Variants in PCDH15 observed in about 807,000 individuals in gnomAD.
The protein encoded by PCDH15 is protocadherin related 15.
In PCDH15, 129 loss-of-function variants were observed where a neutral mutation model predicts 178.5. That is an observed-to-expected ratio of 0.72 (90% CI 0.63 to 0.84). PCDH15 has a LOEUF of 0.84. Ranked by LOEUF, PCDH15 falls within the 40% of genes least tolerant of loss-of-function variation. PCDH15 has a pLI of 0.00. For synonymous variants in PCDH15, 800 were observed against 732.0 expected (o/e 1.09, Z -1.50); for missense variants, 2,230 against 2,099.9 (o/e 1.06, Z -1.21).
At chr10:54,085,943 T>A (rs944334204) in intron 16 of PCDH15, among the ~76,000 whole-genome samples, 2 of 152,192 alleles carry the variant, frequency 1.3e-5, no homozygotes, top group Non-Finnish European at 2.9e-5. Flanking sequence ...AATAGACATG[T>A]AAATATTTTT....
chr10:54,535,290 C>G (rs935817764), intron 2 of PCDH15, among the ~76,000 whole-genome samples: 10 of 152,130 alleles, frequency 6.6e-5, no homozygotes, highest in African/African-American at 2.4e-4. Flanking sequence ...GAGACCATAG[C>G]TACCTCAATC....
intron 3 of PCDH15, among the ~76,000 whole-genome samples, chr10:54,448,048 G>A (rs1484948826): frequency 1.3e-5 from 2 of 151,442 alleles, no homozygotes; most frequent in Non-Finnish European, 3.0e-5. Context: ...GTTTTAGAAC[G>A]TTAAAGTTTC....
intron 2 of PCDH15, among the ~76,000 whole-genome samples, chr10:55,101,473 A>G (rs1842575179): frequency 6.6e-6 from 1 of 151,832 alleles, no homozygotes; most frequent in Non-Finnish European, 1.5e-5. Context: ...TGCAAAATAG[A>G]CAACAGCCTC....
chr10:55,623,283 T>G (rs1196842390), intron 2 of PCDH15, among the ~76,000 whole-genome samples: 1 of 152,144 alleles, frequency 6.6e-6, no homozygotes. Flanking sequence ...TACATACAAG[T>G]GGCTGTGGTT....
At chr10:54,094,989 C>T (rs887681088) in intron 15 of PCDH15, among the ~76,000 whole-genome samples, 1 of 152,128 alleles carries the variant, frequency 6.6e-6, no homozygotes, top group Non-Finnish European at 1.5e-5. Context: ...ATCTTCTGTT[C>T]ATGTTAAAGA....
chr10:55,519,685 T>C (rs1231531184), intron 2 of PCDH15, among the ~76,000 whole-genome samples: 3 of 151,988 alleles, frequency 2.0e-5, no homozygotes, highest in Admixed American at 2.0e-4. Context: ...TAGAGCTATA[T>C]ATTTAAAATG....
chr10:53,982,095 A>G (rs2090697761), intron 21 of PCDH15, among the ~76,000 whole-genome samples: 1 of 152,202 alleles, frequency 6.6e-6, no homozygotes, highest in Non-Finnish European at 1.5e-5. Context: ...GCCATCAGAG[A>G]AATGCAAATC....
chr10:55,405,278 TAAC>T (rs1838169060), intron 2 of PCDH15, among the ~76,000 whole-genome samples: 1 of 70,926 alleles, frequency 1.4e-5, no homozygotes, highest in African/African-American at 6.5e-5. Flanking sequence ...TAGTGTGAGG[TAAC>T]AGATATATAT....
chr10:55,299,320 CT>C (rs567878445), intron 1 of PCDH15, among the ~76,000 whole-genome samples: 21 of 151,976 alleles, frequency 1.4e-4, no homozygotes, highest in Non-Finnish European at 2.2e-4. Flanking sequence ...TGTGTTGTGG[CT>C]TTTTTAATTA....
intron 3 of PCDH15, among the ~76,000 whole-genome samples, chr10:54,415,346 CA>C (rs1954167384): frequency 6.7e-6 from 1 of 149,896 alleles, no homozygotes; most frequent in South Asian, 2.1e-4. Flanking sequence ...ATGGATGTTC[CA>C]AGAAAAATTG....
intron 2 of PCDH15, among the ~76,000 whole-genome samples, chr10:55,090,541 C>T (rs1842290638): frequency 6.6e-6 from 1 of 151,978 alleles, no homozygotes; most frequent in South Asian, 2.1e-4. Context: ...GTCATATAGA[C>T]CTCCTTCCAT....
intron 26 of PCDH15, among the ~76,000 whole-genome samples, chr10:53,869,320 A>G (rs577875123): frequency 6.6e-6 from 1 of 152,320 alleles, no homozygotes; most frequent in African/African-American, 2.4e-5. Context: ...TTTGAACCAC[A>G]GGTTTATAAT....
chr10:54,927,876 T>C (rs1460334375), intron 2 of PCDH15, among the ~76,000 whole-genome samples: 2 of 152,120 alleles, frequency 1.3e-5, no homozygotes, highest in Non-Finnish European at 2.9e-5. Context: ...CAATAGGTAT[T>C]GGTTCTTTAT....
At chr10:54,219,274 CAAAAA>C (rs995053736) in intron 9 of PCDH15, among the ~76,000 whole-genome samples, 1 of 45,182 alleles carries the variant, frequency 2.2e-5, no homozygotes, top group Non-Finnish European at 4.3e-5. Flanking sequence ...GACTTTGTCT[CAAAAA>C]AAAAAAAAAA....
intron 2 of PCDH15, among the ~76,000 whole-genome samples, chr10:54,577,831 C>A (rs1361690203): frequency 1.3e-5 from 2 of 149,904 alleles, no homozygotes; most frequent in Admixed American, 6.7e-5. Flanking sequence ...GAGGCCAGTT[C>A]CTGTTTAAGC....
At chr10:55,307,476 C>G (rs2132284946) in intron 1 of PCDH15, among the ~76,000 whole-genome samples, 1 of 150,954 alleles carries the variant, frequency 6.6e-6, no homozygotes, top group South Asian at 2.1e-4. Context: ...GCACTCCAGC[C>G]TGGGCAACAG....
chr10:55,613,005 T>C (rs1843400164), intron 2 of PCDH15, among the ~76,000 whole-genome samples: 1 of 150,538 alleles, frequency 6.6e-6, no homozygotes, highest in Non-Finnish European at 1.5e-5. Flanking sequence ...CCAATACATA[T>C]TTACTAGCCA....
chr10:53,890,364 T>A (rs1449831593), intron 26 of PCDH15, among the ~76,000 whole-genome samples: 1 of 152,178 alleles, frequency 6.6e-6, no homozygotes, highest in African/African-American at 2.4e-5. Context: ...AGGCGGAGGT[T>A]GCAGTGAGCT....
chr10:55,405,579 A>T (rs908607014), intron 2 of PCDH15, among the ~76,000 whole-genome samples: 6 of 151,778 alleles, frequency 4.0e-5, no homozygotes, highest in African/African-American at 1.4e-4. Flanking sequence ...ACTAATTACA[A>T]AAGGTGTTTT....
Sources: allele counts gnomAD v4.1 joint callset (sites outside exome capture counted in the v4.1 genomes callset), GRCh38; gene constraint gnomAD v4.1.1; transcripts MANE v1.5; gene names NCBI Gene and HGNC (gene_info 2026-07-23, HGNC 2026-07-21).